Variants in PALD1 observed in about 807,000 individuals in gnomAD.
PALD1 encodes the protein paladin.
In PALD1, 57 loss-of-function variants were observed where a neutral mutation model predicts 96.0. That is an observed-to-expected ratio of 0.59 (90% CI 0.48 to 0.74). The LOEUF (loss-of-function observed/expected upper bound fraction) is 0.74, where lower values mean the gene tolerates loss of function less well. Among genes scored for constraint, PALD1 ranks in the 30% least tolerant of loss-of-function variants. The probability of loss-of-function intolerance (pLI) is 0.00; values close to 1 mark genes in which losing one functional copy is unlikely to be tolerated. For synonymous variants in PALD1, 464 were observed against 473.6 expected, an observed-to-expected ratio of 0.98 and a Z score of 0.26; for missense variants, 1,063 against 1,143.7, an observed-to-expected ratio of 0.93 and a Z score of 1.02.
chr10:70,505,644 CAAAA>C (rs1474830251), intron 1 of PALD1, among the ~76,000 whole-genome samples: 1 of 101,892 alleles, frequency 9.8e-6, no homozygotes, highest in African/African-American at 3.6e-5. Flanking sequence ...CAAAACAAAA[CAAAA>C]AAACAAATCA....
At chr10:70,550,109 G>T (rs12782847) in intron 18 of PALD1, among the ~76,000 whole-genome samples, 64,237 of 151,910 alleles carry the variant, frequency 0.42, 14,067 homozygotes, top group East Asian at 0.8. Flanking sequence ...GGGACTGAGA[G>T]GAGACACCCT....
chr10:70,522,405 G>A (rs1217728286), intron 1 of PALD1, among the ~76,000 whole-genome samples: 1 of 152,188 alleles, frequency 6.6e-6, no homozygotes, highest in Non-Finnish European at 1.5e-5. Context: ...CCCGAAGCTG[G>A]CCAGGTGCGT....
the PALD1 span, among the ~76,000 whole-genome samples, chr10:70,461,740 G>A: frequency 6.6e-6 from 1 of 152,116 alleles, no homozygotes; most frequent in Non-Finnish European, 1.5e-5. Context: ...GAAAGCCCTT[G>A]GCACTTGCTT....
At chr10:70,533,340 G>GGGATACA (rs1252288059) in intron 7 of PALD1, among the ~76,000 whole-genome samples, 29 of 151,816 alleles carry the variant, frequency 1.9e-4, no homozygotes, top group Admixed American at 1.6e-3. Context: ...TCTCTGTGTG[G>GGGATACA]GGATACATGT....
chr10:70,565,980 C>T (rs1214847470), intron 19 of PALD1, among the ~76,000 whole-genome samples: 1 of 152,200 alleles, frequency 6.6e-6, no homozygotes, highest in Non-Finnish European at 1.5e-5. Context: ...CTCAGCCCCT[C>T]TCTCCTGCGG....
At chr10:70,494,614 G>A (rs1212571813) in intron 1 of PALD1, among the ~76,000 whole-genome samples, 1 of 152,210 alleles carries the variant, frequency 6.6e-6, no homozygotes, top group African/African-American at 2.4e-5. Context: ...CCTTGTCAGC[G>A]GGGTAATTAT....
At chr10:70,519,306 A>G (rs1157104794) in intron 1 of PALD1, among the ~76,000 whole-genome samples, 2 of 152,154 alleles carry the variant, frequency 1.3e-5, no homozygotes, top group African/African-American at 4.8e-5. Context: ...TCTTAAAAAC[A>G]ACGGAAATTT....
In PALD1 at chr10:70,539,618, T is replaced by A. The variant is rs772049930; in HGVS notation, c.1764T>A (p.Pro588=). 2 of 1,611,842 alleles carry A rather than the reference T, an allele frequency of 1.2e-6. No individual in the cohort carries two copies. The highest frequency in any genetic ancestry group is 2.7e-5 in the African/African-American group (2 of 74,502). ...AGCTGAAGGCCCATCTAAGCGAGCC[T>A]CCCCCAGGCAAGGAGGGCCCCCTGA... ...EAQLKAHLSE[P]PPGKEGPLTY... is the part of the protein sequence containing the mutation. Residue 588 remains proline (P), a synonymous_variant, in exon 15 of 20, where the codon CCT becomes CCA. Transcript: ENST00000263563. This position sits in a 1 kb window ranked among gnomAD's most constrained non-coding sequence, Gnocchi z 4.5.
chr10:70,467,717 C>A, the PALD1 span, among the ~76,000 whole-genome samples: 30 of 152,212 alleles, frequency 2.0e-4, no homozygotes, highest in East Asian at 4.6e-3. Context: ...AGCAATGGAA[C>A]CTGCTCTAAG....
chr10:70,534,084 C>G lies in PALD1; in HGVS notation c.1022+11C>G, dbSNP rs562924095. On this transcript the variant is annotated intron_variant, in intron 8 of 19. Coordinates refer to ENST00000263563, the MANE Select transcript of PALD1 (RefSeq NM_014431.3). Reference sequence around the variant, plus strand: ...CACCTCCCAGCCAGAGTGAGTGGCCCGGGGCCCAGCGTCCTGAAGGGCTGT... The same window carrying G: ...CACCTCCCAGCCAGAGTGAGTGGCCGGGGGCCCAGCGTCCTGAAGGGCTGT... The G allele has an allele frequency of 6.3e-7, 1 of 1,581,820 alleles. No homozygotes were observed.
chr10:70,508,651 G>T (rs551065297), intron 1 of PALD1, among the ~76,000 whole-genome samples: 6 of 152,314 alleles, frequency 3.9e-5, no homozygotes, highest in African/African-American at 1.4e-4. Flanking sequence ...CTGTGGGCAG[G>T]TCTCCGGCCA....
intron 18 of PALD1, among the ~76,000 whole-genome samples, chr10:70,564,129 G>A (rs553515346): frequency 1.3e-5 from 2 of 152,248 alleles, no homozygotes; most frequent in African/African-American, 4.8e-5. Context: ...CCATGGCGAG[G>A]AGAGGGATGC....
Position 70,540,992 on chromosome 10 carries a change from A to G in PALD1, c.1909-110A>G. On this transcript the variant is annotated intron_variant, in intron 15 of 19. Transcript: ENST00000263563. The surrounding 1 kb of genome is among the most constrained non-coding windows in gnomAD (Gnocchi z 4.2). ...GTGTGTGCAAGCTTGGGAGCCTGAC[A>G]ATTTCTGGCCCGAGGACAGTGGCTG... 4.8e-6 allele frequency: 6 copies of G among 1,255,658 alleles called. No homozygotes were observed. The highest frequency in any genetic ancestry group is 6.6e-6 in the Non-Finnish European group (6 of 908,554). 77.8% of individuals were successfully genotyped at this position (1,255,658 alleles called of 1,614,324 possible).
chr10:70,525,175 A>ATT (rs35568945), intron 1 of PALD1, among the ~76,000 whole-genome samples: 62 of 137,198 alleles, frequency 4.5e-4, no homozygotes, highest in African/African-American at 1.6e-3. Flanking sequence ...CTAATTTTGT[A>ATT]TTTTTTTTTT....
At chr10:70,464,373 A>C in the PALD1 span, among the ~76,000 whole-genome samples, 1 of 151,308 alleles carries the variant, frequency 6.6e-6, no homozygotes, top group Non-Finnish European at 1.5e-5. Context: ...CACCATGCCC[A>C]GCTAATTTTT....
chr10:70,553,832 C>G (rs1007615926), intron 18 of PALD1, among the ~76,000 whole-genome samples: 2 of 152,314 alleles, frequency 1.3e-5, no homozygotes, highest in Admixed American at 1.3e-4. Context: ...AAGCCATGGT[C>G]CTTGCCTTTG....
intron 1 of PALD1, among the ~76,000 whole-genome samples, chr10:70,517,341 CA>C (rs1156869341): frequency 2.0e-4 from 29 of 144,716 alleles, no homozygotes; most frequent in Admixed American, 1.7e-3. Flanking sequence ...TTTAAGTGTT[CA>C]TTTTTTTTTT....
chr10:70,503,072 G>C (rs555348752), intron 1 of PALD1, among the ~76,000 whole-genome samples: 1 of 151,834 alleles, frequency 6.6e-6, no homozygotes, highest in Non-Finnish European at 1.5e-5. Context: ...TAGAGATGGG[G>C]TTTCTCCATG....
chr10:70,505,526 C>G (rs1157942072), intron 1 of PALD1, among the ~76,000 whole-genome samples: 2 of 151,156 alleles, frequency 1.3e-5, no homozygotes, highest in African/African-American at 4.9e-5. Flanking sequence ...ATCGCTTCAA[C>G]CCGGGAGGCG....
Sources: gnomAD v4.1 joint callset for allele counts (sites outside exome capture counted in the v4.1 genomes callset) on GRCh38, gnomAD v4.1.1 for gene constraint, Gnocchi (gnomAD v3.1) non-coding constraint, MANE v1.5 for transcripts, NCBI Gene and HGNC (gene_info 2026-07-23, HGNC 2026-07-21) for gene names.